Variants in RUNX2 observed in about 807,000 individuals in gnomAD.
RUNX2 encodes runt-related transcription factor 2.
RUNX2 carries 10 observed loss-of-function variants against 51.7 expected under a neutral mutation model. The ratio of observed to expected loss-of-function variants is 0.19; its 90% confidence interval spans 0.12 to 0.33. RUNX2 has a LOEUF of 0.33. Ranked by LOEUF, RUNX2 falls within the 10% of genes least tolerant of loss-of-function variation. The pLI is 1.00. For missense variants in RUNX2, 562 were observed against 691.3 expected, an observed-to-expected ratio of 0.81 and a Z score of 2.10; for synonymous variants, 276 against 273.6, an observed-to-expected ratio of 1.01 and a Z score of -0.09.
intron 3 of RUNX2, among the ~76,000 whole-genome samples, chr6:45,427,570 T>A (rs536393484): frequency 6.6e-6 from 1 of 152,252 alleles, no homozygotes; most frequent in South Asian, 2.1e-4. Context: ...TTTTTGCTTT[T>A]TGCAATTAGT....
chr6:45,354,699 AAAG>A (rs1359616949), intron 2 of RUNX2, among the ~76,000 whole-genome samples: 2 of 152,076 alleles, frequency 1.3e-5, no homozygotes, highest in Non-Finnish European at 2.9e-5. Context: ...ACATTTAAAA[AAAG>A]AAAAAAAAAG....
chr6:45,357,642 A>T (rs1793487792), intron 2 of RUNX2, among the ~76,000 whole-genome samples: 1 of 152,174 alleles, frequency 6.6e-6, no homozygotes. Context: ...TTTTCTAAAG[A>T]TTAATTTTGA....
intron 2 of RUNX2, among the ~76,000 whole-genome samples, chr6:45,353,468 C>A (rs17209769): frequency 0.23 from 34,327 of 151,646 alleles, 4,542 homozygotes; most frequent in Non-Finnish European, 0.31. Flanking sequence ...CGGAACAAAG[C>A]AGAAAAGTTT....
At chr6:45,461,277 A>C (rs1799469482) in intron 5 of RUNX2, among the ~76,000 whole-genome samples, 1 of 152,206 alleles carries the variant, frequency 6.6e-6, no homozygotes, top group Admixed American at 6.5e-5. Flanking sequence ...AGGGCTTTGG[A>C]TTGCCACCTG....
chr6:45,348,433 G>A (rs1252168709), intron 2 of RUNX2, among the ~76,000 whole-genome samples: 4 of 149,170 alleles, frequency 2.7e-5, no homozygotes, highest in African/African-American at 5.0e-5. Context: ...TTGGGAGGCC[G>A]AGGTAGAAGG....
At chr6:45,538,899 A>C (rs1174445154) in intron 7 of RUNX2, among the ~76,000 whole-genome samples, 2 of 152,136 alleles carry the variant, frequency 1.3e-5, no homozygotes, top group Non-Finnish European at 2.9e-5. Context: ...CTTCTGAAAG[A>C]CACGGTGTCC....
At chr6:45,349,313 GTTCT>G (rs938039991) in intron 2 of RUNX2, among the ~76,000 whole-genome samples, 1 of 152,116 alleles carries the variant, frequency 6.6e-6, no homozygotes, top group African/African-American at 2.4e-5. Context: ...AAAAATGTGG[GTTCT>G]TTCTTGGCTT....
chr6:45,530,794 G>A (rs776009376), intron 7 of RUNX2, among the ~76,000 whole-genome samples: 9 of 152,096 alleles, frequency 5.9e-5, no homozygotes, highest in Middle Eastern at 3.2e-3. Context: ...TTCTGATGGC[G>A]GAAAGTACTT....
At chr6:45,490,083 C>T (rs549778036) in intron 5 of RUNX2, among the ~76,000 whole-genome samples, 2 of 152,266 alleles carry the variant, frequency 1.3e-5, no homozygotes, top group African/African-American at 2.4e-5. Context: ...GCTATATCCT[C>T]GTGAAGGCTC....
intron 5 of RUNX2, among the ~76,000 whole-genome samples, chr6:45,483,194 G>C (rs1800164286): frequency 6.6e-6 from 1 of 152,158 alleles, no homozygotes; most frequent in Non-Finnish European, 1.5e-5. Context: ...TAAACATGAA[G>C]ACAGTTTCTT....
rs747851226 is a variant in RUNX2, at chr6:45,329,314, T to C, written c.58+530T>C. On this transcript the variant is annotated intron_variant, in intron 2 of 8. Coordinates refer to ENST00000647337, the MANE Select transcript of RUNX2 (RefSeq NM_001024630.4). Reference sequence around the variant, plus strand: ...CCAGCTCAACTAAAAGAAATCTACTTATAAATTCAAACTGTATCCTATCTA... The same window carrying C: ...CCAGCTCAACTAAAAGAAATCTACTCATAAATTCAAACTGTATCCTATCTA... 1.1e-3 allele frequency among the ~76,000 whole-genome samples: 169 copies of C among 152,090 alleles called. 2 individuals carry two copies. The highest frequency in any genetic ancestry group is 0.01 in the Middle Eastern group (3 of 294).
At chr6:45,505,186 T>TG (rs981231144) in intron 6 of RUNX2, among the ~76,000 whole-genome samples, 4 of 152,138 alleles carry the variant, frequency 2.6e-5, no homozygotes, top group South Asian at 2.1e-4. Context: ...CACCCACACA[T>TG]GTTTAACCAA....
intron 7 of RUNX2, among the ~76,000 whole-genome samples, chr6:45,528,723 G>A (rs1034736602): frequency 6.6e-6 from 1 of 152,188 alleles, no homozygotes; most frequent in African/African-American, 2.4e-5. Flanking sequence ...GCAGTGCGTG[G>A]CAACAGCTCT....
chr6:45,360,059 C>T (rs1793980240), intron 2 of RUNX2, among the ~76,000 whole-genome samples: 1 of 152,190 alleles, frequency 6.6e-6, no homozygotes, highest in Non-Finnish European at 1.5e-5. Context: ...TGTTGAAAGT[C>T]ATTTATAAAC....
intron 7 of RUNX2, among the ~76,000 whole-genome samples, chr6:45,540,861 G>A (rs555826268): frequency 2.0e-5 from 3 of 152,314 alleles, no homozygotes; most frequent in African/African-American, 7.2e-5. Flanking sequence ...GGAAATAACA[G>A]TGGAAGCAAA....
intron 7 of RUNX2, among the ~76,000 whole-genome samples, chr6:45,534,668 A>G (rs1210809012): frequency 2.0e-5 from 3 of 152,216 alleles, no homozygotes; most frequent in Non-Finnish European, 4.4e-5. Flanking sequence ...CCTCTCAGGT[A>G]AACACAGGTA....
At chr6:45,446,128 C>T (rs113157400) in intron 5 of RUNX2, among the ~76,000 whole-genome samples, 1,564 of 152,322 alleles carry the variant, frequency 0.01, 19 homozygotes, top group African/African-American at 0.035. Flanking sequence ...ATGGCATTAA[C>T]ATCCTTTCAT....
chr6:45,373,191 G>C (rs1470602548), intron 2 of RUNX2, among the ~76,000 whole-genome samples: 1 of 152,098 alleles, frequency 6.6e-6, no homozygotes, highest in Non-Finnish European at 1.5e-5. Context: ...ACCCGGGCCT[G>C]TCTTGGCCTC....
rs928019510 is a variant in RUNX2, at chr6:45,550,305, C to G, written c.*3000C>G. 2 of 152,292 alleles carry G rather than the reference C, an allele frequency of 1.3e-5. No individual in the cohort carries two copies. Among genetic ancestry groups the G allele is most frequent in the Non-Finnish European group, 2.9e-5 (2 of 68,044 alleles). The allele number at this position is 152,292 out of a possible 1,614,324, so 9.4% of individuals were successfully genotyped here. On this transcript the variant is annotated 3_prime_UTR_variant, in exon 9 of 9. Coordinates refer to ENST00000647337, the MANE Select transcript of RUNX2 (RefSeq NM_001024630.4). ...ACATTCAGCCCAGAACTGAGAAACT[C>G]AACAGATTAACTATCGTTTGCTCTT... is the stretch of plus-strand genomic sequence containing the variant.
Sources: allele counts gnomAD v4.1 joint callset (sites outside exome capture counted in the v4.1 genomes callset), GRCh38; gene constraint gnomAD v4.1.1; transcripts MANE v1.5; gene names NCBI Gene and HGNC (gene_info 2026-07-23, HGNC 2026-07-21).